AKAP6: variants seen among roughly 807,000 people sequenced by gnomAD.
The protein encoded by AKAP6 is A-kinase anchor protein 6.
Under a neutral mutation model 188.5 loss-of-function variants are expected in AKAP6, and 58 were observed. That is an observed-to-expected ratio of 0.31 (90% CI 0.25 to 0.38). The LOEUF is 0.38. Ranked by LOEUF, AKAP6 falls within the 10% of genes least tolerant of loss-of-function variation. AKAP6 has a pLI of 1.00. For synonymous variants in AKAP6, 989 were observed against 998.6 expected (o/e 0.99, Z 0.18); for missense variants, 2,710 against 2,740.0 (o/e 0.99, Z 0.24).
intron 4 of AKAP6, among the ~76,000 whole-genome samples, chr14:32,563,696 C>A (rs765696324): frequency 6.6e-6 from 1 of 152,170 alleles, no homozygotes; most frequent in Non-Finnish European, 1.5e-5. Context: ...CAGGTTCCTG[C>A]ACCCTCTTCT....
At chr14:32,454,298 C>A (rs562497999) in intron 2 of AKAP6, among the ~76,000 whole-genome samples, 2 of 152,274 alleles carry the variant, frequency 1.3e-5, no homozygotes, top group South Asian at 4.1e-4. Context: ...CCTTTTATTT[C>A]TTTGCATCTA....
intron 12 of AKAP6, among the ~76,000 whole-genome samples, chr14:32,817,987 C>T (rs1303212534): frequency 6.6e-6 from 1 of 151,806 alleles, no homozygotes; most frequent in Non-Finnish European, 1.5e-5. Context: ...CTTTCTTGCC[C>T]CAGGGGTATA....
intron 9 of AKAP6, among the ~76,000 whole-genome samples, chr14:32,720,305 G>A (rs972678393): frequency 2.0e-5 from 3 of 152,072 alleles, no homozygotes; most frequent in African/African-American, 7.2e-5. Flanking sequence ...ATAGATATTT[G>A]GGTATATTTT....
Position 32,805,822 on chromosome 14 carries a change from C to G in AKAP6, c.3589-15580C>G, listed in dbSNP as rs139560118. Among the ~76,000 whole-genome samples, 26 of 152,170 alleles carry G rather than the reference C, an allele frequency of 1.7e-4. No individual in the cohort carries two copies. In the East Asian group the frequency reaches 4.6e-3, roughly 27 times the overall value. On this transcript the variant is annotated intron_variant, in intron 12 of 13. Coordinates refer to ENST00000280979, the MANE Select transcript of AKAP6 (RefSeq NM_004274.5). ...ATGGGTAAGTTTGCAGAATATCAAA[C>G]AAAAGATGCTATGTTTAGACATCCA...
intron 12 of AKAP6, among the ~76,000 whole-genome samples, chr14:32,805,877 A>C (rs1359890914): frequency 6.6e-6 from 1 of 152,212 alleles, no homozygotes; most frequent in Non-Finnish European, 1.5e-5. Context: ...CCAATATTGA[A>C]AAAGCTAATT....
At chr14:32,472,802 C>T (rs1478700132) in intron 2 of AKAP6, among the ~76,000 whole-genome samples, 2 of 151,934 alleles carry the variant, frequency 1.3e-5, no homozygotes, top group Non-Finnish European at 2.9e-5. Context: ...CATCTCTTAG[C>T]AACTAAGAGA....
intron 12 of AKAP6, among the ~76,000 whole-genome samples, chr14:32,775,638 G>A (rs1229861635): frequency 6.6e-6 from 1 of 152,040 alleles, no homozygotes; most frequent in African/African-American, 2.4e-5. Flanking sequence ...GTCTCACTAT[G>A]TTGCCCAGGC....
At chr14:32,625,424 C>A (rs1162146714) in intron 7 of AKAP6, among the ~76,000 whole-genome samples, 1 of 151,978 alleles carries the variant, frequency 6.6e-6, no homozygotes, top group Non-Finnish European at 1.5e-5. Flanking sequence ...TGTGCATAAA[C>A]CTGTGTTTTT....
At chr14:32,549,384 A>C (rs1883351413) in intron 4 of AKAP6, among the ~76,000 whole-genome samples, 1 of 152,210 alleles carries the variant, frequency 6.6e-6, no homozygotes, top group Non-Finnish European at 1.5e-5. Flanking sequence ...CAGACAGATA[A>C]AGGAAAAGGA....
At chr14:32,724,078 CTT>C (rs5807678) in intron 9 of AKAP6, among the ~76,000 whole-genome samples, 1 of 152,018 alleles carries the variant, frequency 6.6e-6, no homozygotes, top group African/African-American at 2.4e-5. Context: ...TCTTCTTCTT[CTT>C]TTTTTTTCCT....
intron 9 of AKAP6, among the ~76,000 whole-genome samples, chr14:32,700,326 G>C (rs1247417985): frequency 1.3e-5 from 2 of 152,116 alleles, no homozygotes; most frequent in African/African-American, 2.4e-5. Flanking sequence ...TGGAATTCCA[G>C]ACTCCAAGGG....
intron 2 of AKAP6, among the ~76,000 whole-genome samples, chr14:32,495,961 C>G (rs976756722): frequency 7.2e-5 from 11 of 151,922 alleles, no homozygotes; most frequent in East Asian, 1.9e-4. Context: ...TTCTTCTTAC[C>G]CCAATGTTGA....
intron 1 of AKAP6, among the ~76,000 whole-genome samples, chr14:32,386,246 C>T (rs1888534827): frequency 6.6e-6 from 1 of 152,038 alleles, no homozygotes; most frequent in South Asian, 2.1e-4. Flanking sequence ...GTTCCCTGTT[C>T]ACCACATCCA....
chr14:32,344,906 A>G (rs1405971111), intron 1 of AKAP6, among the ~76,000 whole-genome samples: 1 of 137,866 alleles, frequency 7.3e-6, no homozygotes, highest in African/African-American at 2.8e-5. Flanking sequence ...ACAGAGTGAG[A>G]CTCTGTCTTA....
At chr14:32,743,362 T>C (rs2031760634) in intron 11 of AKAP6, among the ~76,000 whole-genome samples, 1 of 152,180 alleles carries the variant, frequency 6.6e-6, no homozygotes, top group Admixed American at 6.5e-5. Flanking sequence ...GTCCGTTACA[T>C]TCAGCATTAT....
intron 2 of AKAP6, among the ~76,000 whole-genome samples, chr14:32,463,690 C>G (rs1433970817): frequency 6.6e-6 from 1 of 152,014 alleles, no homozygotes; most frequent in Non-Finnish European, 1.5e-5. Flanking sequence ...AATAAAAGAA[C>G]TAGAGAAGCA....
intron 1 of AKAP6, among the ~76,000 whole-genome samples, chr14:32,348,956 G>A (rs867611682): frequency 4.6e-5 from 7 of 152,142 alleles, no homozygotes; most frequent in Non-Finnish European, 7.3e-5. Context: ...TTCCTATACC[G>A]TGGGATTCCC....
At chr14:32,430,978 A>G (rs1470146331) in intron 1 of AKAP6, among the ~76,000 whole-genome samples, 1 of 152,012 alleles carries the variant, frequency 6.6e-6, no homozygotes, top group East Asian at 1.9e-4. Context: ...AGTGGCAGGC[A>G]CCTGTAGACC....
intron 1 of AKAP6, among the ~76,000 whole-genome samples, chr14:32,416,429 T>C (rs1375378665): frequency 1.3e-5 from 2 of 152,256 alleles, no homozygotes; most frequent in African/African-American, 2.4e-5. Flanking sequence ...ATATTCTTGA[T>C]ATTCATCCCT....
Sources: allele counts gnomAD v4.1 joint callset (sites outside exome capture counted in the v4.1 genomes callset), GRCh38; gene constraint gnomAD v4.1.1; transcripts MANE v1.5; gene names NCBI Gene and HGNC (gene_info 2026-07-23, HGNC 2026-07-21).